Variants in ARHGEF12 observed in about 807,000 individuals in gnomAD.
ARHGEF12 encodes the protein KMT2A/ARHGEF12 fusion protein.
A neutral mutation model predicts 211.2 loss-of-function variants in ARHGEF12; 66 were observed. The ratio of observed to expected loss-of-function variants is 0.31; its 90% CI spans 0.26 to 0.38. ARHGEF12 has a LOEUF of 0.38. Among genes scored for constraint, ARHGEF12 ranks in the 10% least tolerant of loss-of-function variants. ARHGEF12 has a pLI of 1.00. For missense variants in ARHGEF12, 1,429 were observed against 1,869.5 expected, an observed-to-expected ratio of 0.76 and a Z score of 4.34; for synonymous variants, 592 against 638.4, an observed-to-expected ratio of 0.93 and a Z score of 1.09.
intron 1 of ARHGEF12, among the ~76,000 whole-genome samples, chr11:120,381,821 C>T (rs1475275533): frequency 2.0e-5 from 3 of 152,192 alleles, no homozygotes; most frequent in Admixed American, 1.3e-4. Context: ...CTCTCCTCTC[C>T]TCTAGTCCCT....
Position 120,347,150 on chromosome 11 carries a change from TCCTTCCTTCCTTCCTTCCTTCCTTC to T in ARHGEF12, c.32+9877_32+9901del, listed in dbSNP as rs1565416934. On this transcript the variant is annotated intron_variant, in intron 1 of 40. Transcript: ENST00000397843. ...TTCTTTCTTTCCTTCCTTCCTTCCT[TCCTTCCTTCCTTCCTTCCTTCCTTC>T]CTTCCTTCCTTTCTTTCTTTCTTTC... Among the ~76,000 whole-genome samples the T allele has an allele frequency of 1.3e-4, 6 of 44,674 alleles. No homozygotes were observed. The East Asian group carries it at 2.9e-3, about 22-fold the overall frequency. The allele number at this position is 44,674 out of a possible 152,430, so 29.3% of individuals were successfully genotyped here.
chr11:120,388,117 G>A (rs181515244), intron 1 of ARHGEF12, among the ~76,000 whole-genome samples: 28 of 152,240 alleles, frequency 1.8e-4, no homozygotes, highest in Non-Finnish European at 3.5e-4. Flanking sequence ...ATCCCCAGGT[G>A]TACCCATTGA....
chr11:120,431,054 C>T (rs1945511778), intron 10 of ARHGEF12, among the ~76,000 whole-genome samples: 1 of 152,106 alleles, frequency 6.6e-6, no homozygotes, highest in Non-Finnish European at 1.5e-5. Flanking sequence ...CTTTGGGAGG[C>T]CGAGGCGGGC....
chr11:120,396,211 C>T (rs190051014), intron 1 of ARHGEF12, among the ~76,000 whole-genome samples: 38 of 152,204 alleles, frequency 2.5e-4, no homozygotes, highest in African/African-American at 7.2e-4. Context: ...CTAAAATAAA[C>T]ATACATGAGC....
Position 120,458,875 on chromosome 11 carries a change from T to C in ARHGEF12, c.2381-299T>C, listed in dbSNP as rs538317366. On this transcript the variant is annotated intron_variant, in intron 25 of 40. Coordinates refer to ENST00000397843, the MANE Select transcript of ARHGEF12 (RefSeq NM_015313.3). ...GGCTATATGATGTTGGGGCTTACAG[T>C]TTTCTTAATGATGTAGTTGTGATAG... 6 of 180,912 alleles carry C rather than the reference T, an allele frequency of 3.3e-5. No individual in the cohort carries two copies. The South Asian group carries it at 9.2e-4, about 28-fold the overall frequency. The allele number at this position is 180,912 out of a possible 1,614,324, so 11.2% of individuals were successfully genotyped here.
chr11:120,347,180 C>T (rs796604252), intron 1 of ARHGEF12, among the ~76,000 whole-genome samples: 10 of 110,174 alleles, frequency 9.1e-5, no homozygotes, highest in South Asian at 3.1e-4. Context: ...TCCTTCCTTC[C>T]TTCCTTTCTT....
chr11:120,344,010 A>G (rs1287315902), intron 1 of ARHGEF12, among the ~76,000 whole-genome samples: 1 of 152,072 alleles, frequency 6.6e-6, no homozygotes. Flanking sequence ...CATGCCTGTA[A>G]ATCCCAGCAC....
At chr11:120,342,658 A>G (rs1942570927) in intron 1 of ARHGEF12, among the ~76,000 whole-genome samples, 1 of 152,086 alleles carries the variant, frequency 6.6e-6, no homozygotes, top group South Asian at 2.1e-4. Flanking sequence ...TTTATTTTAG[A>G]TAGTCTTTAG....
In ARHGEF12 at chr11:120,469,400, A is replaced by T. The variant is rs1477279893; in HGVS notation, c.2955+12A>T. 1.3e-6 allele frequency: 2 copies of T among 1,590,534 alleles called. No individual in the cohort carries two copies. The highest frequency in any genetic ancestry group is 1.7e-6 in the Non-Finnish European group (2 of 1,161,448). Reference sequence around the variant, plus strand: ...CAGAAAACAAGCAGGTAAAAAAGGAAAACAAGAAGGTACAGGATGACATTG... The same window carrying T: ...CAGAAAACAAGCAGGTAAAAAAGGATAACAAGAAGGTACAGGATGACATTG... On this transcript the variant is annotated intron_variant, in intron 30 of 40. Transcript: ENST00000397843.
At chr11:120,426,879 T>C (rs987717911) in intron 7 of ARHGEF12, among the ~76,000 whole-genome samples, 7 of 151,882 alleles carry the variant, frequency 4.6e-5, no homozygotes, top group African/African-American at 9.7e-5. Context: ...TGTTTTTGTT[T>C]TTGTTTTTGT....
intron 4 of ARHGEF12, among the ~76,000 whole-genome samples, chr11:120,414,124 T>A (rs1272878496): frequency 1.3e-5 from 2 of 152,156 alleles, no homozygotes; most frequent in Non-Finnish European, 2.9e-5. Context: ...TTTGTTATGA[T>A]AAGGAAATAA....
intron 4 of ARHGEF12, among the ~76,000 whole-genome samples, chr11:120,420,273 G>A (rs1034461247): frequency 1.3e-5 from 2 of 152,040 alleles, no homozygotes; most frequent in African/African-American, 4.8e-5. Context: ...GTTTTCCTGA[G>A]TATATTTTCT....
Position 120,459,278 on chromosome 11 carries a change from C to G in ARHGEF12, c.2485C>G (p.Arg829Gly). Residue 829 changes from arginine (R) to glycine (G), a missense_variant, in exon 26 of 41, where the codon CGG becomes GGG. Arg to Gly is a moderately radical substitution (Grantham distance 125). Coordinates refer to ENST00000397843, the MANE Select transcript of ARHGEF12 (RefSeq NM_015313.3). Reference protein sequence around the residue: ...REGILSPSELRKIFSNLEDIL... With the variant: ...REGILSPSELGKIFSNLEDIL... ...AGGAATTCTGTCACCCTCAGAGCTACGGAAAATTTTTTCAAACTTGGAAGA... is the reference window on the plus strand; with the variant it reads ...AGGAATTCTGTCACCCTCAGAGCTAGGGAAAATTTTTTCAAACTTGGAAGA... 1 of 1,613,340 alleles carries G rather than the reference C, an allele frequency of 6.2e-7. No individual in the cohort carries two copies. Among genetic ancestry groups the G allele is most frequent in the Non-Finnish European group, 8.5e-7 (1 of 1,179,636 alleles).
intron 6 of ARHGEF12, among the ~76,000 whole-genome samples, chr11:120,423,652 C>G (rs1945263295): frequency 6.6e-6 from 1 of 151,664 alleles, no homozygotes. Context: ...TTATGTGTCT[C>G]TTTGGTGTGT....
intron 40 of ARHGEF12, among the ~76,000 whole-genome samples, 197 bp from the exon 41 acceptor site, chr11:120,484,870 C>T (rs1199486191): frequency 6.6e-6 from 1 of 152,140 alleles, no homozygotes; most frequent in African/African-American, 2.4e-5. Context: ...GGTGCACTTG[C>T]CTCTGCTGAC....
chr11:120,347,158 TCCTTCCTTCCTTCCTTC>T lies in ARHGEF12; in HGVS notation c.32+9885_32+9901del, dbSNP rs1942769060. ...TTCCTTCCTTCCTTCCTTCCTTCCT[TCCTTCCTTCCTTCCTTC>T]CTTCCTTCCTTTCTTTCTTTCTTTC... On this transcript the variant is annotated intron_variant, in intron 1 of 40. Coordinates refer to ENST00000397843, the MANE Select transcript of ARHGEF12 (RefSeq NM_015313.3). Among the ~76,000 whole-genome samples the T allele has an allele frequency of 3.4e-5, 2 of 58,036 alleles. 1 individual carries two copies. The allele number at this position is 58,036 out of a possible 152,430, so 38.1% of individuals were successfully genotyped here.
chr11:120,425,130 G>C (rs1173945624), intron 7 of ARHGEF12, among the ~76,000 whole-genome samples: 2 of 152,102 alleles, frequency 1.3e-5, no homozygotes, highest in Admixed American at 6.5e-5. Context: ...GGCAAGCCAG[G>C]CCTCAGCCAC....
At chr11:120,467,594 C>T (rs1443552079) in intron 29 of ARHGEF12, among the ~76,000 whole-genome samples, 1 of 149,164 alleles carries the variant, frequency 6.7e-6, no homozygotes, top group Non-Finnish European at 1.5e-5. Flanking sequence ...AGGGGTACAC[C>T]ACCACACTTG....
At position 120,477,216 on chromosome 11, in the gene ARHGEF12, A is replaced by T. The variant is rs769240070; in HGVS notation, c.3366-3A>T. 3.1e-6 allele frequency: 5 copies of T among 1,613,486 alleles called. No individual in the cohort carries two copies. Among genetic ancestry groups the T allele is most frequent in the Non-Finnish European group, 4.2e-6 (5 of 1,179,872 alleles). ...TTTTGGATTTCTTTCCAACTTTCTG[A>T]AGCTGGCAGGACCTAATCTGTCGGA... On this transcript the variant is annotated splice_polypyrimidine_tract_variant and splice_region_variant and intron_variant, in intron 34 of 40. Coordinates refer to ENST00000397843, the MANE Select transcript of ARHGEF12 (RefSeq NM_015313.3).
Sources: gnomAD v4.1 joint callset for allele counts (sites outside exome capture counted in the v4.1 genomes callset) on GRCh38, gnomAD v4.1.1 for gene constraint, MANE v1.5 for transcripts, NCBI Gene and HGNC (gene_info 2026-07-23, HGNC 2026-07-21) for gene names.